The following LRRC4C variants were observed in gnomAD, a reference collection of about 807,000 sequenced individuals.
LRRC4C encodes the protein leucine rich repeat containing 4C.
A neutral mutation model predicts 33.6 loss-of-function variants in LRRC4C; 5 were observed. That is an observed-to-expected ratio of 0.15 (90% CI 0.08 to 0.31). The LOEUF (loss-of-function observed/expected upper bound fraction) is 0.31. Among genes scored for constraint, LRRC4C ranks in the 10% least tolerant of loss-of-function variants. The pLI, the probability that LRRC4C is intolerant of heterozygous loss-of-function variation, is 1.00. For missense variants in LRRC4C, 560 were observed against 796.7 expected, an observed-to-expected ratio of 0.70 and a Z score of 3.58; for synonymous variants, 329 against 302.0, an observed-to-expected ratio of 1.09 and a Z score of -0.93.
intron 2 of LRRC4C, among the ~76,000 whole-genome samples, chr11:40,777,985 G>T (rs1193407591): frequency 6.6e-6 from 1 of 152,150 alleles, no homozygotes; most frequent in African/African-American, 2.4e-5. Flanking sequence ...ACCGCTCCCG[G>T]CCAGATCTTG....
intron 1 of LRRC4C, among the ~76,000 whole-genome samples, chr11:41,241,746 C>T (rs764177743): frequency 6.2e-4 from 95 of 152,276 alleles, no homozygotes; most frequent in African/African-American, 2.2e-3. Context: ...CTTTGTCCCT[C>T]TTTCGTCCTT....
intron 4 of LRRC4C, among the ~76,000 whole-genome samples, chr11:40,298,620 G>A (rs1944627832): frequency 6.6e-6 from 1 of 151,978 alleles, no homozygotes; most frequent in Non-Finnish European, 1.5e-5. Flanking sequence ...AGGGAATAGG[G>A]CAGGTCATTC....
At chr11:40,824,918 C>T (rs546278590) in intron 2 of LRRC4C, among the ~76,000 whole-genome samples, 48 of 152,038 alleles carry the variant, frequency 3.2e-4, no homozygotes, top group Non-Finnish European at 6.6e-4. Flanking sequence ...ACTTCTGCCA[C>T]ACTGCCACAG....
intron 1 of LRRC4C, among the ~76,000 whole-genome samples, chr11:41,192,780 G>A (rs1448194008): frequency 6.6e-6 from 1 of 152,056 alleles, no homozygotes; most frequent in Admixed American, 6.6e-5. Context: ...ATCTAAAGCT[G>A]GGGAATTTAT....
intron 2 of LRRC4C, among the ~76,000 whole-genome samples, chr11:40,722,401 G>A (rs1321034332): frequency 3.9e-5 from 6 of 152,098 alleles, no homozygotes; most frequent in African/African-American, 1.2e-4. Context: ...CTGGACGACA[G>A]CCTGAATTAC....
At chr11:40,191,517 G>A (rs1445676322) in intron 5 of LRRC4C, among the ~76,000 whole-genome samples, 2 of 152,140 alleles carry the variant, frequency 1.3e-5, no homozygotes, top group African/African-American at 4.8e-5. Context: ...TGAGTGCAGT[G>A]TTCTTCCCAG....
chr11:40,489,285 C>T (rs1954025570), intron 3 of LRRC4C, among the ~76,000 whole-genome samples: 1 of 152,064 alleles, frequency 6.6e-6, no homozygotes, highest in South Asian at 2.1e-4. Flanking sequence ...TTATGTAAGT[C>T]ACTCTCTGCC....
intron 2 of LRRC4C, among the ~76,000 whole-genome samples, chr11:40,827,770 T>A (rs545649783): frequency 1.3e-5 from 2 of 151,792 alleles, no homozygotes; most frequent in Non-Finnish European, 2.9e-5. Context: ...AAATATATAA[T>A]CATTAATTCT....
intron 2 of LRRC4C, among the ~76,000 whole-genome samples, chr11:40,858,692 T>TAA (rs201131448): frequency 7.4e-4 from 59 of 80,160 alleles, no homozygotes; most frequent in Non-Finnish European, 1.1e-3. Context: ...GACTCCTTCT[T>TAA]AAAAAAAAAA....
At chr11:41,130,535 G>A (rs1321043547) in intron 1 of LRRC4C, among the ~76,000 whole-genome samples, 3 of 151,792 alleles carry the variant, frequency 2.0e-5, no homozygotes, top group Non-Finnish European at 4.4e-5. Context: ...ATATCATCCA[G>A]ACATTTACTG....
intron 3 of LRRC4C, among the ~76,000 whole-genome samples, chr11:40,592,074 T>A (rs1470934790): frequency 1.3e-5 from 2 of 152,204 alleles, no homozygotes; most frequent in Non-Finnish European, 2.9e-5. Flanking sequence ...TCAGTTTGCT[T>A]TTTAACGATA....
intron 5 of LRRC4C, among the ~76,000 whole-genome samples, chr11:40,214,663 T>C (rs1863845881): frequency 6.6e-6 from 1 of 152,156 alleles, no homozygotes; most frequent in African/African-American, 2.4e-5. Flanking sequence ...AAGATTGGCA[T>C]GTGCAAGTCA....
chr11:40,766,647 C>A (rs911349063), intron 2 of LRRC4C, among the ~76,000 whole-genome samples: 1 of 151,996 alleles, frequency 6.6e-6, no homozygotes, highest in Admixed American at 6.6e-5. Context: ...TATTAGATTT[C>A]TCTTTGACAC....
chr11:41,080,704 T>A (rs565593062), intron 1 of LRRC4C, among the ~76,000 whole-genome samples: 3 of 152,292 alleles, frequency 2.0e-5, no homozygotes, highest in Admixed American at 6.5e-5. Flanking sequence ...TCAAAAAAAA[T>A]TATCACTATC....
At chr11:40,686,759 T>A (rs1452901305) in intron 2 of LRRC4C, among the ~76,000 whole-genome samples, 2 of 152,130 alleles carry the variant, frequency 1.3e-5, no homozygotes, top group Admixed American at 1.3e-4. Flanking sequence ...AAAATTGACT[T>A]GAAATCTCTA....
intron 3 of LRRC4C, among the ~76,000 whole-genome samples, chr11:40,321,760 C>T (rs1945860059): frequency 6.6e-6 from 1 of 152,172 alleles, no homozygotes; most frequent in South Asian, 2.1e-4. Context: ...CTTTTCATAC[C>T]TGAATGCCTT....
chr11:40,250,093 C>T (rs1187638162), intron 4 of LRRC4C, among the ~76,000 whole-genome samples: 3 of 151,112 alleles, frequency 2.0e-5, no homozygotes, highest in Non-Finnish European at 4.4e-5. Context: ...GACCAGACCT[C>T]TCCCAATTCT....
intron 1 of LRRC4C, among the ~76,000 whole-genome samples, chr11:41,228,539 T>G (rs1054498907): frequency 2.6e-5 from 4 of 152,154 alleles, no homozygotes; most frequent in Non-Finnish European, 5.9e-5. Context: ...GCTTTCAATA[T>G]GTTTTCTGTT....
intron 1 of LRRC4C, among the ~76,000 whole-genome samples, chr11:41,042,519 T>C (rs1030980609): frequency 1.3e-5 from 2 of 152,078 alleles, no homozygotes; most frequent in East Asian, 3.9e-4. Flanking sequence ...TGAAGCATAA[T>C]TCAATGTCTA....
Sources: gnomAD v4.1 joint callset for allele counts (sites outside exome capture counted in the v4.1 genomes callset) on GRCh38, gnomAD v4.1.1 for gene constraint, MANE v1.5 for transcripts, NCBI Gene and HGNC (gene_info 2026-07-23, HGNC 2026-07-21) for gene names.